The following HACE1 variants were observed in gnomAD, a reference collection of about 807,000 sequenced individuals.
HACE1 encodes E3 ubiquitin-protein ligase HACE1.
In HACE1, 73 loss-of-function variants were observed where a neutral mutation model predicts 118.4. That is an observed-to-expected ratio of 0.62 (90% confidence interval 0.51 to 0.75). The LOEUF is 0.75. Among genes scored for constraint, HACE1 ranks in the 30% least tolerant of loss-of-function variants. The probability of loss-of-function intolerance (pLI) is 0.00; values close to 1 mark genes in which losing one functional copy is unlikely to be tolerated. For missense variants in HACE1, 749 were observed against 1,102.2 expected, an observed-to-expected ratio of 0.68 and a Z score of 4.54; for synonymous variants, 368 against 374.8, an observed-to-expected ratio of 0.98 and a Z score of 0.21.
At chr6:104,759,955 TG>T (rs1448958286) in intron 19 of HACE1, among the ~76,000 whole-genome samples, 18 of 152,156 alleles carry the variant, frequency 1.2e-4, no homozygotes, top group Admixed American at 9.2e-4. Context: ...CCAGAAGAAA[TG>T]GATAAATTCC....
intron 19 of HACE1, among the ~76,000 whole-genome samples, chr6:104,757,615 C>T (rs973873715): frequency 6.6e-6 from 1 of 152,128 alleles, no homozygotes; most frequent in Non-Finnish European, 1.5e-5. Context: ...GCTGAAAATA[C>T]CAAAAACCAG....
intron 22 of HACE1, among the ~76,000 whole-genome samples, chr6:104,733,086 A>C (rs1017902693): frequency 2.0e-5 from 3 of 152,226 alleles, no homozygotes; most frequent in African/African-American, 7.2e-5. Flanking sequence ...ACGTGACCAA[A>C]CATAAAAAGG....
intron 17 of HACE1, among the ~76,000 whole-genome samples, chr6:104,775,541 G>A (rs1020923189): frequency 2.0e-5 from 3 of 152,228 alleles, no homozygotes; most frequent in Middle Eastern, 3.4e-3. Flanking sequence ...AGGATATAAA[G>A]AGAAGAAATA....
chr6:104,733,626 G>A (rs1359836582), intron 22 of HACE1, among the ~76,000 whole-genome samples: 1 of 152,068 alleles, frequency 6.6e-6, no homozygotes, highest in Non-Finnish European at 1.5e-5. Context: ...GTCGAGGCTG[G>A]TGGATCACTT....
intron 22 of HACE1, among the ~76,000 whole-genome samples, chr6:104,742,405 C>G (rs1211878988): frequency 6.7e-6 from 1 of 149,338 alleles, no homozygotes; most frequent in East Asian, 1.9e-4. Flanking sequence ...TTTTCACAAC[C>G]TACTCATCTG....
At chr6:104,802,283 C>T (rs891696478) in intron 7 of HACE1, among the ~76,000 whole-genome samples, 2 of 152,132 alleles carry the variant, frequency 1.3e-5, no homozygotes, top group Non-Finnish European at 2.9e-5. Flanking sequence ...CTTAAACACC[C>T]CACTGTCAAT....
At chr6:104,857,528 G>C (rs933716667) in intron 1 of HACE1, among the ~76,000 whole-genome samples, 1 of 151,860 alleles carries the variant, frequency 6.6e-6, no homozygotes, top group Non-Finnish European at 1.5e-5. Flanking sequence ...GAAGTATTTA[G>C]AGGCAGACTA....
chr6:104,746,348 C>T (rs1777419403), intron 20 of HACE1, among the ~76,000 whole-genome samples: 1 of 152,212 alleles, frequency 6.6e-6, no homozygotes, highest in Non-Finnish European at 1.5e-5. Flanking sequence ...ACAGTCTAGT[C>T]TACATTGACC....
At chr6:104,782,059 AAAGT>A (rs772358978) in intron 14 of HACE1, among the ~76,000 whole-genome samples, 15 of 152,030 alleles carry the variant, frequency 9.9e-5, no homozygotes, top group Admixed American at 2.0e-4. Context: ...TTGGCAATTA[AAAGT>A]AACTGCCAAA....
intron 22 of HACE1, among the ~76,000 whole-genome samples, chr6:104,740,537 T>C (rs377009041): frequency 2.6e-5 from 4 of 152,120 alleles, no homozygotes; most frequent in South Asian, 4.1e-4. Context: ...AACACCTCTA[T>C]GCAAATAAAC....
chr6:104,774,080 C>CTT lies in HACE1; in HGVS notation c.1865-2008_1865-2007dup, dbSNP rs540039211. ...CAAAAAATAGGTTATCATCTTTTCT[C>CTT]TTTTTTTTTTTTTTTTTTTTTTTTT... On this transcript the variant is annotated intron_variant, in intron 17 of 23. Transcript: ENST00000262903. Among the ~76,000 whole-genome samples, 81 of 74,848 alleles carry CTT rather than the reference C, an allele frequency of 1.1e-3. 2 individuals carry two copies. The highest frequency in any genetic ancestry group is 1.7e-3 in the South Asian group (4 of 2,312). 49.1% of individuals were successfully genotyped at this position (74,848 alleles called of 152,430 possible). A position where few individuals can be genotyped will look rare whatever the true frequency, so the allele number is the denominator to read the frequency against.
chr6:104,824,501 T>C (rs1265247490), intron 6 of HACE1, among the ~76,000 whole-genome samples: 2 of 152,142 alleles, frequency 1.3e-5, no homozygotes, highest in Non-Finnish European at 2.9e-5. Flanking sequence ...TAGATGAAAA[T>C]GTACTCTGAG....
intron 22 of HACE1, among the ~76,000 whole-genome samples, chr6:104,735,403 C>T (rs981936319): frequency 2.0e-5 from 3 of 151,982 alleles, no homozygotes; most frequent in Admixed American, 6.6e-5. Context: ...GAGGCCGAGG[C>T]GGGCAGATCA....
intron 23 of HACE1, 93 bp downstream of exon 23, chr6:104,730,209 GT>G: frequency 1.3e-6 from 1 of 747,792 alleles, no homozygotes; most frequent in Non-Finnish European, 2.4e-6. Flanking sequence ...CACAGCTGAG[GT>G]TTTCCTCCCA....
chr6:104,802,249 C>T (rs565581292), intron 7 of HACE1, among the ~76,000 whole-genome samples: 4 of 152,264 alleles, frequency 2.6e-5, no homozygotes, highest in African/African-American at 9.6e-5. Flanking sequence ...GAGACTTAGA[C>T]TCCCACACAA....
chr6:104,771,845 C>G, intron 18 of HACE1, 80 bp downstream of exon 18: 2 of 962,172 alleles, frequency 2.1e-6, no homozygotes, highest in East Asian at 5.2e-5. Context: ...ATCCAAAATA[C>G]TACTGCTTAT....
At chr6:104,796,894 A>T (rs376009293) in intron 8 of HACE1, 35 bp downstream of exon 8, 23 of 1,237,506 alleles carry the variant, frequency 1.9e-5, no homozygotes, top group Non-Finnish European at 2.7e-5. Context: ...TCTATTATAA[A>T]GATAAGGGGC....
intron 4 of HACE1, 58 bp downstream of exon 4, chr6:104,849,084 A>G: frequency 1.0e-6 from 1 of 956,296 alleles, no homozygotes. Context: ...AACGAAGGCA[A>G]AGTGCCTTGA....
intron 12 of HACE1, 65 bp downstream of exon 12, chr6:104,784,920 A>G: frequency 9.7e-7 from 1 of 1,026,176 alleles, no homozygotes; most frequent in South Asian, 1.4e-5. Flanking sequence ...TTGAAATTAC[A>G]AAAGTATCAC....
Sources: gnomAD v4.1 joint callset for allele counts (sites outside exome capture counted in the v4.1 genomes callset) on GRCh38, gnomAD v4.1.1 for gene constraint, MANE v1.5 for transcripts, NCBI Gene and HGNC (gene_info 2026-07-23, HGNC 2026-07-21) for gene names.